POLA2: variants seen among roughly 807,000 people sequenced by gnomAD.
The protein encoded by POLA2 is DNA polymerase alpha subunit B.
POLA2 carries 47 observed loss-of-function variants against 82.8 expected under a neutral mutation model. The observed-to-expected ratio is 0.57, with a 90% CI of 0.45 to 0.72. POLA2 has a LOEUF of 0.72. Among genes scored for constraint, POLA2 ranks in the 30% least tolerant of loss-of-function variants. The probability of loss-of-function intolerance (pLI) is 0.00; values close to 1 mark genes in which losing one functional copy is unlikely to be tolerated. For synonymous variants in POLA2, 287 were observed against 286.8 expected (o/e 1.00, Z -0.01); for missense variants, 634 against 728.1 (o/e 0.87, Z 1.49).
At chr11:65,301,998 C>T (rs960102238), downstream of POLA2, among the ~76,000 whole-genome samples, 1 of 152,192 alleles carries the variant, frequency 6.6e-6, no homozygotes, top group African/African-American at 2.4e-5. Flanking sequence ...CGCCTCTTCC[C>T]GGGGCTCTAG....
intron 2 of POLA2, 112 bp from the exon 3 acceptor site, chr11:65,267,365 T>A (rs187718903): frequency 4.9e-5 from 30 of 614,358 alleles, no homozygotes; most frequent in East Asian, 3.8e-4. Flanking sequence ...CTTTGAGGAA[T>A]GTTAGATCTT....
chr11:65,290,501 A>G (rs1048832291), intron 13 of POLA2, among the ~76,000 whole-genome samples: 1 of 152,132 alleles, frequency 6.6e-6, no homozygotes, highest in Non-Finnish European at 1.5e-5. Context: ...ACACCATTGC[A>G]CTCCAGCCTG....
rs1470847310 is a variant in POLA2 at position 65,275,925 on chromosome 11, A to AC, written c.394dup (p.Leu132ProfsTer10). ...GAAGCGAGCTATCTCTACCCCAGAA[A>AC]CCCCCCTAACAAAAAGGAGTGTGTC... On this transcript the variant is annotated frameshift_variant, in exon 5 of 18. Coordinates refer to ENST00000265465, the MANE Select transcript of POLA2 (RefSeq NM_002689.4). LOFTEE classifies it high-confidence loss of function. The AC allele has an allele frequency of 1.2e-6, 2 of 1,606,138 alleles. No homozygotes were observed. The highest frequency in any genetic ancestry group is 1.7e-5 in the Admixed American group (1 of 58,830).
At chr11:65,265,772 C>T (rs149231639) in intron 1 of POLA2, among the ~76,000 whole-genome samples, 4 of 152,332 alleles carry the variant, frequency 2.6e-5, no homozygotes, top group South Asian at 4.1e-4. Context: ...CCACTGCATC[C>T]GGCTTACTCC....
At chr11:65,301,231 CCGGAATGGTG>C (rs1949857803), downstream of POLA2, among the ~76,000 whole-genome samples, 1 of 151,988 alleles carries the variant, frequency 6.6e-6, no homozygotes, top group African/African-American at 2.4e-5. Flanking sequence ...AGTGATGGGC[CCGGAATGGTG>C]CTTCAGAGCC....
intron 14 of POLA2, 57 bp downstream of exon 14, chr11:65,294,318 C>G: frequency 1.4e-6 from 2 of 1,383,850 alleles, no homozygotes; most frequent in South Asian, 2.3e-5. Flanking sequence ...GCCTCTGCCA[C>G]TAGCTCTGGC....
intron 10 of POLA2, 70 bp downstream of exon 10, chr11:65,282,591 C>T: frequency 1.5e-6 from 2 of 1,305,574 alleles, no homozygotes; most frequent in South Asian, 1.2e-5. Flanking sequence ...AGTGCAGTTT[C>T]CCAAGCCCAA....
At chr11:65,294,409 G>A (rs1949788087) in intron 14 of POLA2, 137 bp from the exon 15 acceptor site, 6 of 970,418 alleles carry the variant, frequency 6.2e-6, no homozygotes, top group South Asian at 1.4e-5. Flanking sequence ...ACAGGCAAAT[G>A]TGTCCAAAAG....
chr11:65,268,259 C>G (rs1469665061), intron 3 of POLA2, among the ~76,000 whole-genome samples: 1 of 151,882 alleles, frequency 6.6e-6, no homozygotes, highest in African/African-American at 2.4e-5. Flanking sequence ...ACGAGGAAAC[C>G]CCATCTCAAT....
At chr11:65,265,323 G>A (rs923332731) in intron 1 of POLA2, among the ~76,000 whole-genome samples, 1 of 151,932 alleles carries the variant, frequency 6.6e-6, no homozygotes, top group African/African-American at 2.4e-5. Context: ...CACCAAAGCT[G>A]CTCTACTCAA....
Position 65,271,326 on chromosome 11 carries a change from T to C in POLA2, c.354+2597T>C, listed in dbSNP as rs1949519056. Reference sequence around the variant, plus strand: ...TACCAATGGGACCACCACGGTTTTATCTGGTTAACAGCTTCACAGATCCAG... The same window carrying C: ...TACCAATGGGACCACCACGGTTTTACCTGGTTAACAGCTTCACAGATCCAG... On this transcript the variant is annotated intron_variant, in intron 4 of 17. Coordinates refer to ENST00000265465, the MANE Select transcript of POLA2 (RefSeq NM_002689.4). Among the ~76,000 whole-genome samples, 5 of 152,336 alleles carry C rather than the reference T, an allele frequency of 3.3e-5. No homozygotes were observed. In the South Asian group the frequency reaches 1.0e-3, roughly 32 times the overall value.
intron 11 of POLA2, 81 bp from the exon 12 acceptor site, chr11:65,288,969 C>A: frequency 7.7e-7 from 1 of 1,295,924 alleles, no homozygotes; most frequent in Non-Finnish European, 1.1e-6. Context: ...CAGAGAACTG[C>A]CAGAGGAGGT....
At chr11:65,263,869 C>G (rs1254608180) in intron 1 of POLA2, among the ~76,000 whole-genome samples, 1 of 151,560 alleles carries the variant, frequency 6.6e-6, no homozygotes, top group African/African-American at 2.4e-5. Context: ...TGATCATAGT[C>G]AGAAATGTAT....
intron 4 of POLA2, among the ~76,000 whole-genome samples, chr11:65,272,201 C>T (rs1361801960): frequency 1.3e-5 from 2 of 152,122 alleles, no homozygotes; most frequent in African/African-American, 2.4e-5. Flanking sequence ...CCCAGCTACT[C>T]GAGAGGCTGA....
At chr11:65,285,842 C>T (rs1949692091) in intron 10 of POLA2, among the ~76,000 whole-genome samples, 2 of 152,146 alleles carry the variant, frequency 1.3e-5, no homozygotes, top group Non-Finnish European at 2.9e-5. Context: ...CACTGGGGCT[C>T]ACATCTCCTG....
At chr11:65,276,783 T>C (rs1385328543) in intron 5 of POLA2, among the ~76,000 whole-genome samples, 2 of 150,972 alleles carry the variant, frequency 1.3e-5, no homozygotes, top group Non-Finnish European at 2.9e-5. Context: ...ATTGTTCAAC[T>C]CTATCACTTT....
intron 8 of POLA2, 114 bp from the exon 9 acceptor site, chr11:65,281,556 T>G: frequency 1.3e-6 from 1 of 771,242 alleles, no homozygotes; most frequent in South Asian, 1.5e-5. Context: ...TGCCCTAAGT[T>G]TATGATTACA....
rs1422188655 is a variant in POLA2, at chr11:65,278,720, T to C, written c.462-10T>C. The C allele has an allele frequency of 4.3e-6, 7 of 1,609,510 alleles. No homozygotes were observed. In the Admixed American group the frequency reaches 1.2e-4, roughly 27 times the overall value. Reference sequence around the variant, plus strand: ...ACACAGTAATATTAACCTGTTTTGCTTCCAATTAGTGCTACTCCCTCCCAG... The same window carrying C: ...ACACAGTAATATTAACCTGTTTTGCCTCCAATTAGTGCTACTCCCTCCCAG... On this transcript the variant is annotated splice_polypyrimidine_tract_variant and intron_variant, in intron 5 of 17. Transcript: ENST00000265465.
intron 16 of POLA2, 86 bp downstream of exon 16, chr11:65,295,685 C>A: frequency 7.5e-7 from 1 of 1,335,522 alleles, no homozygotes; most frequent in Non-Finnish European, 1.1e-6. Flanking sequence ...AGAGCCTTCA[C>A]CAGGCTACCA....
Sources: gnomAD v4.1 joint callset for allele counts (sites outside exome capture counted in the v4.1 genomes callset) on GRCh38, gnomAD v4.1.1 for gene constraint, MANE v1.5 for transcripts, NCBI Gene and HGNC (gene_info 2026-07-23, HGNC 2026-07-21) for gene names.